The following ARCN1 variants were observed in gnomAD, a reference collection of about 807,000 sequenced individuals.
ARCN1 encodes the protein coatomer subunit delta.
A neutral mutation model predicts 60.4 loss-of-function variants in ARCN1; 5 were observed. The observed-to-expected ratio is 0.08, with a 90% CI of 0.04 to 0.17. The LOEUF (loss-of-function observed/expected upper bound fraction) is 0.17, where lower values mean the gene tolerates loss of function less well. Ranked by LOEUF, ARCN1 falls within the 10% of genes least tolerant of loss-of-function variation. The pLI, the probability that ARCN1 is intolerant of heterozygous loss-of-function variation, is 1.00. For missense variants in ARCN1, 464 were observed against 626.5 expected, an observed-to-expected ratio of 0.74 and a Z score of 2.77; for synonymous variants, 224 against 220.0, an observed-to-expected ratio of 1.02 and a Z score of -0.16.
In ARCN1 at chr11:118,600,781, A is replaced by G. The variant is rs1939130255; in HGVS notation, c.*67A>G. ...TAAAGAAGACGCCAATGATGGCTGA[A>G]GAGTTTTTCCCAGATTTACAAGCCA... On this transcript the variant is annotated 3_prime_UTR_variant, in exon 10 of 10. Transcript: ENST00000264028. 3 of 1,166,510 alleles carry G rather than the reference A, an allele frequency of 2.6e-6. No homozygotes were observed. Among genetic ancestry groups the G allele is most frequent in the Non-Finnish European group, 2.5e-6 (2 of 806,324 alleles). The allele number at this position is 1,166,510 out of a possible 1,614,324, so 72.3% of individuals were successfully genotyped here.
At chr11:118,595,672 A>G (rs2135554504) in intron 8 of ARCN1, among the ~76,000 whole-genome samples, 1 of 152,290 alleles carries the variant, frequency 6.6e-6, no homozygotes, top group African/African-American at 2.4e-5. Context: ...TCACCTACCC[A>G]TCAGCCCTCA....
chr11:118,576,446 AAAAC>A (rs1453023705), intron 1 of ARCN1, among the ~76,000 whole-genome samples: 176 of 147,436 alleles, frequency 1.2e-3, no homozygotes, highest in African/African-American at 4.2e-3. Context: ...AAAAAAAAAA[AAAAC>A]CAAAAACTTT....
chr11:118,576,803 T>G (rs1938525511), intron 1 of ARCN1, among the ~76,000 whole-genome samples: 1 of 152,166 alleles, frequency 6.6e-6, no homozygotes, highest in Non-Finnish European at 1.5e-5. Context: ...TTTGGAAGCC[T>G]TGTTTTGCTT....
intron 1 of ARCN1, among the ~76,000 whole-genome samples, chr11:118,575,453 G>A (rs1205277063): frequency 6.7e-6 from 1 of 149,000 alleles, no homozygotes; most frequent in African/African-American, 2.5e-5. Context: ...TTCTCTGCAA[G>A]CTTTTGTTTT....
chr11:118,595,033 A>G (rs540217098), intron 8 of ARCN1, among the ~76,000 whole-genome samples: 1 of 151,798 alleles, frequency 6.6e-6, no homozygotes, highest in African/African-American at 2.4e-5. Flanking sequence ...TATTTTTAAT[A>G]GAGATGGGGT....
At chr11:118,591,380 C>CTGTTT (rs554236038) in intron 6 of ARCN1, among the ~76,000 whole-genome samples, 19 of 152,152 alleles carry the variant, frequency 1.2e-4, no homozygotes, top group Middle Eastern at 3.4e-3. Context: ...AAAGTGATTT[C>CTGTTT]TGTTTTGTTT....
At chr11:118,600,508 TAC>T (rs1939124824) in intron 9 of ARCN1, 115 bp from the exon 10 acceptor site, 1 of 633,898 alleles carries the variant, frequency 1.6e-6, no homozygotes, top group African/African-American at 1.9e-5. Flanking sequence ...TCTAGTATTT[TAC>T]AGTTACTTTT....
At chr11:118,577,180 CTG>C (rs1938535806) in intron 1 of ARCN1, among the ~76,000 whole-genome samples, 2 of 152,108 alleles carry the variant, frequency 1.3e-5, no homozygotes, top group Non-Finnish European at 2.9e-5. Flanking sequence ...GAGCAAGACT[CTG>C]TTTCAAAACA....
chr11:118,582,021 C>T (rs1357174829), intron 2 of ARCN1, among the ~76,000 whole-genome samples: 1 of 151,856 alleles, frequency 6.6e-6, no homozygotes. Flanking sequence ...AGGCCAGGTG[C>T]GGTAGCATGT....
intron 1 of ARCN1, among the ~76,000 whole-genome samples, chr11:118,578,053 T>C (rs1455886728): frequency 6.6e-6 from 1 of 151,942 alleles, no homozygotes; most frequent in Non-Finnish European, 1.5e-5. Context: ...TCCCAGTTAC[T>C]CAGGAGGCTG....
At position 118,572,568 on chromosome 11, in the gene ARCN1, A is replaced by T; in HGVS notation, c.3+18A>T. On this transcript the variant is annotated intron_variant, in intron 1 of 9. Coordinates refer to ENST00000264028, the MANE Select transcript of ARCN1 (RefSeq NM_001655.5). ...TCACCATGGTAAGATCCGAGCCAGGACCCGAACTCCTGGGGTCCGAGCCTC... is the reference window on the plus strand; with the variant it reads ...TCACCATGGTAAGATCCGAGCCAGGTCCCGAACTCCTGGGGTCCGAGCCTC... 4 of 1,605,930 alleles carry T rather than the reference A, an allele frequency of 2.5e-6. No individual in the cohort carries two copies. The highest frequency in any genetic ancestry group is 3.4e-6 in the Non-Finnish European group (4 of 1,177,074).
intron 2 of ARCN1, 69 bp downstream of exon 2, chr11:118,581,578 C>A: frequency 6.6e-7 from 1 of 1,514,072 alleles, no homozygotes; most frequent in Non-Finnish European, 8.9e-7. Flanking sequence ...AGTTTTTCCT[C>A]CAAAGCAGCT....
Position 118,601,110 on chromosome 11 carries a change from T to G in ARCN1, c.*396T>G, listed in dbSNP as rs1355718072. ...TGGAGTCTCACTTTGTAACCCAGGCTGGAATGCAATGGCATGATCTCAGCT... is the reference window on the plus strand; with the variant it reads ...TGGAGTCTCACTTTGTAACCCAGGCGGGAATGCAATGGCATGATCTCAGCT... On this transcript the variant is annotated 3_prime_UTR_variant, in exon 10 of 10. Coordinates refer to ENST00000264028, the MANE Select transcript of ARCN1 (RefSeq NM_001655.5). 1 of 152,938 alleles carries G rather than the reference T, an allele frequency of 6.5e-6. No homozygotes were observed. The highest frequency in any genetic ancestry group is 1.9e-4 in the East Asian group (1 of 5,244). 9.5% of individuals were successfully genotyped at this position (152,938 alleles called of 1,614,324 possible). A position where few individuals can be genotyped will look rare whatever the true frequency, so the allele number is the denominator to read the frequency against.
At position 118,600,780 on chromosome 11, in the gene ARCN1, A is replaced by G. The variant is rs1939130199; in HGVS notation, c.*66A>G. The G allele has an allele frequency of 5.1e-6, 6 of 1,176,268 alleles. No individual in the cohort carries two copies. In the East Asian group the frequency reaches 1.5e-4, roughly 29 times the overall value. The allele number at this position is 1,176,268 out of a possible 1,614,324, so 72.9% of individuals were successfully genotyped here. ...ATAAAGAAGACGCCAATGATGGCTG[A>G]AGAGTTTTTCCCAGATTTACAAGCC... On this transcript the variant is annotated 3_prime_UTR_variant, in exon 10 of 10. Transcript: ENST00000264028.
chr11:118,574,247 T>G (rs1247050883), intron 1 of ARCN1, among the ~76,000 whole-genome samples: 1 of 152,214 alleles, frequency 6.6e-6, no homozygotes, highest in East Asian at 1.9e-4. Flanking sequence ...CAGTACATTC[T>G]GCTCTGTAGA....
At chr11:118,573,596 T>C (rs1325758450) in intron 1 of ARCN1, 1 of 688,712 alleles carries the variant, frequency 1.5e-6, no homozygotes, top group Non-Finnish European at 2.6e-6. Context: ...TCTGTTCTGT[T>C]CTTTTTTATT....
At chr11:118,598,926 T>C (rs2135557981) in intron 9 of ARCN1, among the ~76,000 whole-genome samples, 1 of 149,546 alleles carries the variant, frequency 6.7e-6, no homozygotes, top group African/African-American at 2.5e-5. Flanking sequence ...CCCCAGTAGC[T>C]GAGATTACAT....
In ARCN1 at chr11:118,600,969, A is replaced by G; in HGVS notation, c.*255A>G. On this transcript the variant is annotated 3_prime_UTR_variant, in exon 10 of 10. Transcript: ENST00000264028. Reference sequence around the variant, plus strand: ...TCTTTGGCAGATTGTATTGGCCAGCAGGAAAGCAAGCTCTCCAGAGAATGC... The same window carrying G: ...TCTTTGGCAGATTGTATTGGCCAGCGGGAAAGCAAGCTCTCCAGAGAATGC... 4.5e-6 allele frequency: 1 copy of G among 221,930 alleles called. No individual in the cohort carries two copies. Among genetic ancestry groups the G allele is most frequent in the Non-Finnish European group, 8.9e-6 (1 of 112,058 alleles). 13.7% of individuals were successfully genotyped at this position (221,930 alleles called of 1,614,324 possible). A position where few individuals can be genotyped will look rare whatever the true frequency, so the allele number is the denominator to read the frequency against.
chr11:118,596,637 G>A (rs782544734), intron 8 of ARCN1, among the ~76,000 whole-genome samples: 7 of 152,176 alleles, frequency 4.6e-5, no homozygotes, highest in South Asian at 2.1e-4. Context: ...TAAACATTGA[G>A]TGTCACTGGT....
Sources: allele counts gnomAD v4.1 joint callset (sites outside exome capture counted in the v4.1 genomes callset), GRCh38; gene constraint gnomAD v4.1.1; transcripts MANE v1.5; gene names NCBI Gene and HGNC (gene_info 2026-07-23, HGNC 2026-07-21).